The following ESRP1 variants were observed in gnomAD, a reference collection of about 807,000 sequenced individuals.
ESRP1 encodes RNA-binding motif protein 35A.
A neutral mutation model predicts 81.7 loss-of-function variants in ESRP1; 33 were observed. The ratio of observed to expected loss-of-function variants is 0.40; its 90% CI spans 0.31 to 0.54. The LOEUF (loss-of-function observed/expected upper bound fraction) is 0.54, where lower values mean the gene tolerates loss of function less well. Among genes scored for constraint, ESRP1 ranks in the 20% least tolerant of loss-of-function variants. ESRP1 has a pLI of 0.41. For missense variants in ESRP1, 672 were observed against 833.1 expected (o/e 0.81, Z 2.38); for synonymous variants, 320 against 303.3 (o/e 1.06, Z -0.57).
intron 10 of ESRP1, among the ~76,000 whole-genome samples, chr8:94,668,789 A>ATGTGTGTG (rs71303426): frequency 2.8e-5 from 4 of 143,774 alleles, no homozygotes; most frequent in Admixed American, 2.1e-4. Context: ...AGCTTTCAGC[A>ATGTGTGTG]TGTGTGTGTG....
At chr8:94,701,142 G>C (rs1454220982) in intron 15 of ESRP1, among the ~76,000 whole-genome samples, 1 of 151,806 alleles carries the variant, frequency 6.6e-6, no homozygotes, top group Admixed American at 6.6e-5. Flanking sequence ...GGGTGTGGTG[G>C]TGTGTGCCTA....
rs57801249 is a variant in ESRP1, at chr8:94,705,156, C to CTTTTTTTTTTTT, written c.*36-751_*36-740dup. On this transcript the variant is annotated intron_variant, in intron 15 of 15. Coordinates refer to ENST00000433389, the MANE Select transcript of ESRP1 (RefSeq NM_017697.4). The stretch of plus-strand genomic sequence containing the variant: ...TTTGCTGTTATGTCATGCCTTATTG[C>CTTTTTTTTTTTT]TTTTTTTTTTTTTTTTTTTTTTTTT... Among the ~76,000 whole-genome samples the CTTTTTTTTTTTT allele has an allele frequency of 1.2e-4, 11 of 90,536 alleles. 1 individual carries two copies. Among genetic ancestry groups the CTTTTTTTTTTTT allele is most frequent in the Non-Finnish European group, 1.5e-4 (7 of 47,918 alleles). 59.4% of individuals were successfully genotyped at this position (90,536 alleles called of 152,430 possible). A position where few individuals can be genotyped will look rare whatever the true frequency, so the allele number is the denominator to read the frequency against.
In ESRP1 at chr8:94,690,638, A is replaced by C. The variant is rs531545169; in HGVS notation, c.1821-2039A>C. Among the ~76,000 whole-genome samples the C allele has an allele frequency of 9.2e-5, 14 of 152,290 alleles. No individual in the cohort carries two copies. In the South Asian group the frequency reaches 2.9e-3, roughly 32 times the overall value. ...GAATATAATTGTCATTTATAAGCTT[A>C]AATTTCTAGTTGTGCAACATTTACT... is the stretch of plus-strand genomic sequence containing the variant. On this transcript the variant is annotated intron_variant, in intron 13 of 15. Transcript: ENST00000433389.
At chr8:94,687,030 A>G (rs963443499) in intron 13 of ESRP1, among the ~76,000 whole-genome samples, 71 of 152,328 alleles carry the variant, frequency 4.7e-4, no homozygotes, top group African/African-American at 1.6e-3. Flanking sequence ...AAAATTTACA[A>G]TTGTAGAATA....
intron 13 of ESRP1, among the ~76,000 whole-genome samples, chr8:94,686,705 C>A (rs1365907940): frequency 6.6e-6 from 1 of 152,032 alleles, no homozygotes; most frequent in African/African-American, 2.4e-5. Flanking sequence ...ATTATTGACA[C>A]AATGTATATA....
At chr8:94,642,304 A>G (rs16916938) in intron 2 of ESRP1, among the ~76,000 whole-genome samples, 8,523 of 152,196 alleles carry the variant, frequency 0.056, 788 homozygotes, top group African/African-American at 0.19. Flanking sequence ...ACCGACATTC[A>G]CTAGTTTTCG....
At chr8:94,695,406 G>A (rs1367107204) in intron 14 of ESRP1, among the ~76,000 whole-genome samples, 1 of 123,470 alleles carries the variant, frequency 8.1e-6, no homozygotes, top group African/African-American at 3.1e-5. Flanking sequence ...CCAGGCTGGA[G>A]TGCAGTGGCG....
chr8:94,703,614 G>A (rs1466301068), intron 15 of ESRP1, among the ~76,000 whole-genome samples: 1 of 152,176 alleles, frequency 6.6e-6, no homozygotes, highest in African/African-American at 2.4e-5. Flanking sequence ...AAATGTGATA[G>A]GAATGAAGAA....
At position 94,643,353 on chromosome 8, in the gene ESRP1, C is replaced by A; in HGVS notation, c.312C>A (p.Phe104Leu). The change falls in exon 3 of 16, where the codon TTC (phenylalanine) becomes TTA (leucine). Residue 104 changes from phenylalanine (F) to leucine (L), a missense_variant. Transcript: ENST00000433389. ...NELNIGVGTS[F>L]CLCTDGQLHV... ...TGAATATTGGAGTAGGGACTTCCTTCTGTCTCTGTACTGATGGGCAGCTTC... is the reference window on the plus strand; with the variant it reads ...TGAATATTGGAGTAGGGACTTCCTTATGTCTCTGTACTGATGGGCAGCTTC... The A allele has an allele frequency of 6.2e-7, 1 of 1,613,894 alleles. No individual in the cohort carries two copies. The highest frequency in any genetic ancestry group is 8.5e-7 in the Non-Finnish European group (1 of 1,179,778).
chr8:94,655,051 GT>G (rs1024436292), intron 4 of ESRP1, among the ~76,000 whole-genome samples: 9 of 128,718 alleles, frequency 7.0e-5, no homozygotes, highest in African/African-American at 2.2e-4. Context: ...TGTCTGTGAG[GT>G]TTTTTGGGTT....
intron 15 of ESRP1, among the ~76,000 whole-genome samples, chr8:94,700,923 C>T (rs13255538): frequency 0.22 from 30,674 of 142,472 alleles, 3,293 homozygotes; most frequent in Admixed American, 0.28. Flanking sequence ...AGCAAGACTC[C>T]GACTCAAAAA....
chr8:94,703,649 C>G (rs1809938232), intron 15 of ESRP1, among the ~76,000 whole-genome samples: 1 of 152,164 alleles, frequency 6.6e-6, no homozygotes, highest in African/African-American at 2.4e-5. Context: ...ACTCTAATAA[C>G]TGACAGTCCC....
At chr8:94,648,185 A>G (rs1384984040) in intron 4 of ESRP1, among the ~76,000 whole-genome samples, 1 of 152,138 alleles carries the variant, frequency 6.6e-6, no homozygotes, top group Non-Finnish European at 1.5e-5. Flanking sequence ...TGAGCCCAGG[A>G]AGTCGAGGCT....
chr8:94,704,765 T>TG (rs1182114319), intron 15 of ESRP1, among the ~76,000 whole-genome samples: 1 of 37,962 alleles, frequency 2.6e-5, no homozygotes, highest in East Asian at 3.6e-4. Flanking sequence ...CATCTCTTTT[T>TG]GAAAAAAAAA....
intron 15 of ESRP1, 24 bp downstream of exon 15, chr8:94,696,985 TA>T: frequency 2.0e-6 from 3 of 1,476,152 alleles, no homozygotes; most frequent in Non-Finnish European, 2.7e-6. Flanking sequence ...ATGTGCAAGT[TA>T]AATTATAAAG....
rs937205941 is a variant in ESRP1, at chr8:94,671,534, C to T, written c.1315C>T (p.Pro439Ser). The T allele has an allele frequency of 6.2e-7, 1 of 1,613,918 alleles. No homozygotes were observed. Among genetic ancestry groups the T allele is most frequent in the Non-Finnish European group, 8.5e-7 (1 of 1,179,858 alleles). ...IIPVLPQQFVPPTNVRDCIRL... is the reference protein window; with the variant it reads ...IIPVLPQQFVSPTNVRDCIRL... ...TCCAGTACTACCTCAGCAATTTGTG[C>T]CCCCTACAAATGTTAGAGACTGTAT... The change falls in exon 11 of 16, where the codon CCC (proline) becomes TCC (serine). Residue 439 changes from proline to serine, a missense_variant. Physicochemically the swap from Pro to Ser is moderately conservative, Grantham distance 74. Transcript: ENST00000433389.
At chr8:94,662,940 AT>A (rs1348870515) in intron 6 of ESRP1, among the ~76,000 whole-genome samples, 1 of 152,076 alleles carries the variant, frequency 6.6e-6, no homozygotes, top group African/African-American at 2.4e-5. Context: ...GTGCCTCTTA[AT>A]TCTTGTTATA....
At chr8:94,690,073 C>T (rs549289066) in intron 13 of ESRP1, among the ~76,000 whole-genome samples, 1 of 151,746 alleles carries the variant, frequency 6.6e-6, no homozygotes, top group African/African-American at 2.4e-5. Flanking sequence ...CTACCTTGGC[C>T]TCCCAAAATG....
intron 4 of ESRP1, among the ~76,000 whole-genome samples, chr8:94,660,537 G>C (rs1461627811): frequency 6.7e-6 from 1 of 150,196 alleles, no homozygotes; most frequent in South Asian, 2.1e-4. Context: ...TCAGGAGTTC[G>C]AGACCAGCCT....
Sources: gnomAD v4.1 joint callset for allele counts (sites outside exome capture counted in the v4.1 genomes callset) on GRCh38, gnomAD v4.1.1 for gene constraint, MANE v1.5 for transcripts, NCBI Gene and HGNC (gene_info 2026-07-23, HGNC 2026-07-21) for gene names.